Variants in ALDH1L1 observed in about 807,000 individuals in gnomAD.
ALDH1L1 encodes aldehyde dehydrogenase 1 family member L1, also known as cytosolic 10-formyltetrahydrofolate dehydrogenase.
In ALDH1L1, 68 loss-of-function variants were observed where a neutral mutation model predicts 101.1. The observed-to-expected ratio is 0.67, with a 90% CI of 0.55 to 0.82. ALDH1L1 has a LOEUF of 0.82. Among genes scored for constraint, ALDH1L1 ranks in the 40% least tolerant of loss-of-function variants. The pLI is 0.00. For synonymous variants in ALDH1L1, 486 were observed against 470.8 expected (o/e 1.03, Z -0.42); for missense variants, 1,087 against 1,172.7 (o/e 0.93, Z 1.07).
At chr3:126,179,537 G>A (rs1163830026) in intron 1 of ALDH1L1, among the ~76,000 whole-genome samples, 1 of 151,298 alleles carries the variant, frequency 6.6e-6, no homozygotes, top group East Asian at 1.9e-4. Flanking sequence ...AACATTCTCC[G>A]AGGGTTTCCT....
chr3:126,114,661 A>G lies in ALDH1L1; in HGVS notation c.1983-5T>C. On this transcript the variant is annotated splice_region_variant and splice_polypyrimidine_tract_variant and intron_variant, in intron 17 of 22. Transcript: ENST00000393434. Reference sequence around the variant, plus strand: ...TTCACGTTACTTATGGCACAGCTGCAAGGAACAGAGGGCTGGTGGGGCCGG... The same window carrying G: ...TTCACGTTACTTATGGCACAGCTGCGAGGAACAGAGGGCTGGTGGGGCCGG... 1 of 1,529,854 alleles carries G rather than the reference A, an allele frequency of 6.5e-7. No homozygotes were observed. The highest frequency in any genetic ancestry group is 2.1e-5 in the Admixed American group (1 of 47,222). 94.8% of individuals were successfully genotyped at this position (1,529,854 alleles called of 1,614,324 possible).
chr3:126,114,706 G>T, intron 17 of ALDH1L1, 50 bp from the exon 18 acceptor site: 1 of 1,549,766 alleles, frequency 6.5e-7, no homozygotes, highest in Middle Eastern at 1.7e-4. Context: ...GGCAGGTAGG[G>T]GCATTGGGAC....
In ALDH1L1 at chr3:126,123,257, CTTTTT is replaced by C. The variant is rs138624090; in HGVS notation, c.1888+1102_1888+1106del. On this transcript the variant is annotated intron_variant, in intron 16 of 22. Coordinates refer to ENST00000393434, the MANE Select transcript of ALDH1L1 (RefSeq NM_012190.4). ...CAAGGTGTGAGGTATCACCAAAACTCTTTTTTTTTTTTTTTTTTGAGACAGAGTCT... is the reference window on the plus strand; with the variant it reads ...CAAGGTGTGAGGTATCACCAAAACTCTTTTTTTTTTTTTGAGACAGAGTCT... Among the ~76,000 whole-genome samples, 174 of 138,634 alleles carry C rather than the reference CTTTTT, an allele frequency of 1.3e-3. 1 individual carries two copies. The highest frequency in any genetic ancestry group is 8.3e-3 in the South Asian group (36 of 4,324). 90.9% of individuals were successfully genotyped at this position (138,634 alleles called of 152,430 possible).
At chr3:126,117,106 A>G (rs985317370) in intron 17 of ALDH1L1, among the ~76,000 whole-genome samples, 4 of 151,890 alleles carry the variant, frequency 2.6e-5, no homozygotes, top group African/African-American at 2.4e-5. Flanking sequence ...TTATCCAGGT[A>G]TGGTGGCACG....
chr3:126,172,826 G>T (rs2081305294), intron 1 of ALDH1L1, among the ~76,000 whole-genome samples: 1 of 151,182 alleles, frequency 6.6e-6, no homozygotes, highest in Admixed American at 6.6e-5. Flanking sequence ...AAGACACAGA[G>T]ATAATCTTCA....
At chr3:126,113,639 C>T (rs1476568180) in intron 18 of ALDH1L1, among the ~76,000 whole-genome samples, 2 of 152,214 alleles carry the variant, frequency 1.3e-5, no homozygotes, top group African/African-American at 2.4e-5. Flanking sequence ...CCCTTGCCTC[C>T]CTCAGTTTCT....
intron 20 of ALDH1L1, among the ~76,000 whole-genome samples, chr3:126,109,558 A>G (rs1308210748): frequency 6.6e-6 from 1 of 152,132 alleles, no homozygotes; most frequent in Admixed American, 6.5e-5. Context: ...CAAGCTAAGG[A>G]TAGGCAGGGA....
At position 126,157,386 on chromosome 3, in the gene ALDH1L1, G is replaced by C; in HGVS notation, c.485C>G (p.Thr162Arg). 6.2e-7 allele frequency: 1 copy of C among 1,614,054 alleles called. No homozygotes were observed. Among genetic ancestry groups the C allele is most frequent in the Non-Finnish European group, 8.5e-7 (1 of 1,179,994 alleles). The change falls in exon 4 of 23, where the codon ACG (threonine) becomes AGG (arginine). Residue 162 changes from threonine (T) to arginine (R), a missense_variant. Around this residue, in one of 2 missense-constraint regions of ALDH1L1, gnomAD observed 645 missense variants for 637.0 expected, o/e 1.01. Coordinates refer to ENST00000393434, the MANE Select transcript of ALDH1L1 (RefSeq NM_012190.4). ...CEVLPDDTVSTLYNRFLFPEG... is the reference protein window; with the variant it reads ...CEVLPDDTVSRLYNRFLFPEG... Reference sequence around the variant, plus strand: ...AGGGAAGAGGAAGCGGTTGTACAGCGTGCTCACGGTGTCGTCCGGGAGCAC... The same window carrying C: ...AGGGAAGAGGAAGCGGTTGTACAGCCTGCTCACGGTGTCGTCCGGGAGCAC...
At chr3:126,111,673 A>C (rs376455177) in intron 19 of ALDH1L1, among the ~76,000 whole-genome samples, 3 of 152,240 alleles carry the variant, frequency 2.0e-5, no homozygotes, top group African/African-American at 7.2e-5. Context: ...GCTCTCCTCC[A>C]GGGGCCCCTC....
intron 7 of ALDH1L1, chr3:126,151,281 A>G (rs917388504): frequency 7.2e-5 from 11 of 152,244 alleles, no homozygotes; most frequent in Non-Finnish European, 1.6e-4. Flanking sequence ...ACATCACCAG[A>G]TGCCTGTGTG....
chr3:126,186,965 G>A (rs2081522689), intron 1 of ALDH1L1, among the ~76,000 whole-genome samples: 1 of 152,326 alleles, frequency 6.6e-6, no homozygotes, highest in African/African-American at 2.4e-5. Flanking sequence ...GACGCTGGGA[G>A]GGCAAAGTCA....
chr3:126,107,161 G>T lies in ALDH1L1; in HGVS notation c.2433C>A (p.Ile811=). Residue 811 remains isoleucine, a synonymous_variant, in exon 21 of 23, where the codon ATC becomes ATA. Coordinates refer to ENST00000393434, the MANE Select transcript of ALDH1L1 (RefSeq NM_012190.4). ...CCTACCCATCAGCAAACCGAGAGAT[G>T]ATCATGACAGGCCCGAAGGACTCCT... ...AKEESFGPVM[I]ISRFADGDLD... is the part of the protein sequence containing the mutation. 6 of 1,614,146 alleles carry T rather than the reference G, an allele frequency of 3.7e-6. No individual in the cohort carries two copies. Among genetic ancestry groups the T allele is most frequent in the Non-Finnish European group, 5.1e-6 (6 of 1,179,986 alleles).
rs770885353 is a variant in ALDH1L1 at position 126,125,645 on chromosome 3, C to T, written c.1771G>A (p.Gly591Arg). Reference protein sequence around the residue: ...SWKTAACLAAGNTVVIKPAQV... With the variant: ...SWKTAACLAARNTVVIKPAQV... ...GCAGGCTTGATCACCACTGTGTTCC[C>T]GGCAGCCAGGCAGGCAGCTGTCTTC... Residue 591 changes from glycine (G) to arginine (R), a missense_variant, in exon 15 of 23, where the codon GGG becomes AGG. By Grantham distance (125) the Gly-to-Arg change is moderately radical (BLOSUM62 -2). This residue lies in a region of ALDH1L1 where 442 missense variants were observed against 535.7 expected (regional missense o/e 0.83). Coordinates refer to ENST00000393434, the MANE Select transcript of ALDH1L1 (RefSeq NM_012190.4). 31 of 1,597,116 alleles carry T rather than the reference C, an allele frequency of 1.9e-5. No individual in the cohort carries two copies. The highest frequency in any genetic ancestry group is 2.5e-5 in the Non-Finnish European group (29 of 1,170,958).
Position 126,154,649 on chromosome 3 carries a change from G to A in ALDH1L1, c.631-6C>T. ...GCCGGCTGGTCCCAGTTGATCTGTG[G>A]GGAGCAAGGTGTGTGTGCTCAGCTG... On this transcript the variant is annotated splice_region_variant and splice_polypyrimidine_tract_variant and intron_variant, in intron 5 of 22. Coordinates refer to ENST00000393434, the MANE Select transcript of ALDH1L1 (RefSeq NM_012190.4). 6.2e-7 allele frequency: 1 copy of A among 1,613,936 alleles called. No individual in the cohort carries two copies. The highest frequency in any genetic ancestry group is 8.5e-7 in the Non-Finnish European group (1 of 1,179,936).
intron 1 of ALDH1L1, among the ~76,000 whole-genome samples, chr3:126,162,479 A>G (rs1017832561): frequency 5.9e-5 from 9 of 152,132 alleles, no homozygotes; most frequent in African/African-American, 9.7e-5. Context: ...TGTGGGAATC[A>G]TCTCTTCAAA....
intron 1 of ALDH1L1, among the ~76,000 whole-genome samples, chr3:126,167,205 A>G (rs1276113066): frequency 6.6e-6 from 1 of 152,204 alleles, no homozygotes. Context: ...GCATTTAAGC[A>G]AAAAGATTTT....
In ALDH1L1 at chr3:126,105,903, G is replaced by A. The variant is rs375074619; in HGVS notation, c.2476C>T (p.Arg826Trp). ...AGGCCAAATTCCGTGGCATTGGCCC[G>A]AGACAGCACGGCATCCAAGTCCCTG... The part of the protein sequence containing the change: ...ADGDLDAVLS[R>W]ANATEFGLAS... The change falls in exon 22 of 23, where the codon CGG (arginine) becomes TGG (tryptophan). Residue 826 changes from arginine to tryptophan, a missense_variant. Physicochemically the swap from Arg to Trp is moderately radical, Grantham distance 101. Around this residue, in one of 2 missense-constraint regions of ALDH1L1, gnomAD observed 442 missense variants for 535.7 expected, o/e 0.83. Transcript: ENST00000393434. 55 of 1,613,464 alleles carry A rather than the reference G, an allele frequency of 3.4e-5. No homozygotes were observed. The highest frequency in any genetic ancestry group is 6.7e-5 in the Admixed American group (4 of 60,010).
intron 5 of ALDH1L1, 80 bp downstream of exon 5, chr3:126,155,321 AC>A: frequency 7.7e-7 from 1 of 1,299,478 alleles, no homozygotes; most frequent in Non-Finnish European, 1.1e-6. Flanking sequence ...TCTGGGCTGA[AC>A]CCCAGCCTCC....
intron 1 of ALDH1L1, among the ~76,000 whole-genome samples, chr3:126,193,734 G>A (rs2108355545): frequency 6.6e-6 from 1 of 152,268 alleles, no homozygotes. Context: ...TAACTGATGG[G>A]TCATAATAGG....
Sources: gnomAD v4.1 joint callset for allele counts (sites outside exome capture counted in the v4.1 genomes callset) on GRCh38, gnomAD v4.1.1 for gene constraint, gnomAD v4.1.1 regional missense constraint, MANE v1.5 for transcripts, NCBI Gene and HGNC (gene_info 2026-07-23, HGNC 2026-07-21) for gene names.